Variants in ANO4 observed in about 807,000 individuals in gnomAD.
ANO4 encodes anoctamin-4.
ANO4 carries 69 observed loss-of-function variants against 141.9 expected under a neutral mutation model. The observed-to-expected ratio is 0.49, with a 90% CI of 0.40 to 0.59. ANO4 has a LOEUF of 0.59. Ranked by LOEUF, ANO4 falls within the 20% of genes least tolerant of loss-of-function variation. The pLI is 0.00. For missense variants in ANO4, 894 were observed against 1,162.2 expected, an observed-to-expected ratio of 0.77 and a Z score of 3.36; for synonymous variants, 350 against 394.3, an observed-to-expected ratio of 0.89 and a Z score of 1.33.
At chr12:100,789,667 G>T (rs2033979057) in intron 3 of ANO4, among the ~76,000 whole-genome samples, 1 of 152,156 alleles carries the variant, frequency 6.6e-6, no homozygotes, top group East Asian at 1.9e-4. Context: ...TTCTAATTCA[G>T]TGCTCTTTAC....
intron 5 of ANO4, among the ~76,000 whole-genome samples, chr12:100,970,519 T>G (rs1592876928): frequency 6.6e-6 from 1 of 152,264 alleles, no homozygotes; most frequent in East Asian, 1.9e-4. Context: ...CACATGTCAC[T>G]TCCACAGAGG....
chr12:101,105,544 G>A (rs1165060152), intron 22 of ANO4, among the ~76,000 whole-genome samples: 1 of 152,158 alleles, frequency 6.6e-6, no homozygotes, highest in Non-Finnish European at 1.5e-5. Flanking sequence ...TTGATCTAGA[G>A]CCTCTACATG....
chr12:100,920,582 A>G (rs1390717019), intron 2 of ANO4, among the ~76,000 whole-genome samples: 1 of 152,160 alleles, frequency 6.6e-6, no homozygotes, highest in Non-Finnish European at 1.5e-5. Flanking sequence ...ATTCTGGACC[A>G]GCAGGAAGGC....
chr12:100,816,819 A>G (rs2035765049), intron 1 of ANO4, among the ~76,000 whole-genome samples: 1 of 151,936 alleles, frequency 6.6e-6, no homozygotes, highest in South Asian at 2.1e-4. Context: ...TATTTTTACA[A>G]TACTGTTCAC....
intron 17 of ANO4, among the ~76,000 whole-genome samples, chr12:101,092,959 G>A (rs1045556097): frequency 1.3e-5 from 2 of 152,120 alleles, no homozygotes; most frequent in African/African-American, 4.8e-5. Context: ...ATGTTATAAT[G>A]CCTTCGTAAT....
chr12:100,909,578 T>C (rs940631280), intron 2 of ANO4, among the ~76,000 whole-genome samples: 1 of 152,166 alleles, frequency 6.6e-6, no homozygotes, highest in African/African-American at 2.4e-5. Context: ...AATAAGGTTA[T>C]GGCAGCATAA....
intron 13 of ANO4, 196 bp from the exon 14 acceptor site, chr12:101,048,145 C>T (rs1034348762): frequency 2.9e-6 from 3 of 1,032,714 alleles, no homozygotes; most frequent in Non-Finnish European, 4.0e-6. Context: ...CAAATTGTAT[C>T]CTCTATATAT....
intron 3 of ANO4, among the ~76,000 whole-genome samples, chr12:100,780,099 C>G (rs1437117131): frequency 6.6e-6 from 1 of 152,120 alleles, no homozygotes; most frequent in Non-Finnish European, 1.5e-5. Flanking sequence ...TCATAGCTCA[C>G]TGCAGCCTCG....
intron 26 of ANO4, among the ~76,000 whole-genome samples, chr12:101,123,761 A>C (rs1321940096): frequency 6.6e-6 from 1 of 152,152 alleles, no homozygotes; most frequent in Non-Finnish European, 1.5e-5. Flanking sequence ...GCTATTGTGA[A>C]TAGTGCTGCA....
chr12:100,987,514 T>A, intron 7 of ANO4, 25 bp from the exon 8 acceptor site: 1 of 1,610,438 alleles, frequency 6.2e-7, no homozygotes. Flanking sequence ...CTGTACCCTT[T>A]GGTCTTGCCT....
chr12:100,836,951 G>A (rs1415774632), intron 1 of ANO4, among the ~76,000 whole-genome samples: 1 of 152,098 alleles, frequency 6.6e-6, no homozygotes, highest in Admixed American at 6.5e-5. Context: ...ACTCACAAGG[G>A]AAGCTGGCTT....
intron 5 of ANO4, among the ~76,000 whole-genome samples, chr12:100,952,259 T>G (rs1005761890): frequency 1.3e-5 from 2 of 152,192 alleles, no homozygotes; most frequent in Non-Finnish European, 2.9e-5. Flanking sequence ...ACTTACTAAG[T>G]GAATAACTGT....
Position 101,042,486 on chromosome 12 carries a change from A to T in ANO4, c.1154+18A>T. On this transcript the variant is annotated intron_variant, in intron 12 of 27. Coordinates refer to ENST00000392977, the MANE Select transcript of ANO4 (RefSeq NM_001286615.2). ...CAAGTCAGGTACGGGGAGCTCTTGG[A>T]TGAGTTTGCCTTTGTTTAGTACTTA... 1 of 1,613,848 alleles carries T rather than the reference A, an allele frequency of 6.2e-7. No individual in the cohort carries two copies.
intron 3 of ANO4, among the ~76,000 whole-genome samples, chr12:100,926,499 A>G (rs1309511854): frequency 3.9e-5 from 6 of 152,156 alleles, no homozygotes; most frequent in African/African-American, 1.4e-4. Context: ...AGGAAAAATG[A>G]AAACGTTTTC....
intron 1 of ANO4, among the ~76,000 whole-genome samples, chr12:100,838,324 G>A (rs577879920): frequency 4.6e-5 from 7 of 152,138 alleles, no homozygotes; most frequent in African/African-American, 1.7e-4. Flanking sequence ...GGGGTATGGG[G>A]TGCCACCTTG....
chr12:100,916,014 G>A (rs189605752), intron 2 of ANO4, among the ~76,000 whole-genome samples: 3 of 151,962 alleles, frequency 2.0e-5, no homozygotes, highest in African/African-American at 7.2e-5. Context: ...GTGATTTGGT[G>A]AGTGAGTGGA....
intron 3 of ANO4, among the ~76,000 whole-genome samples, chr12:100,924,209 TG>T (rs1478322218): frequency 6.6e-6 from 1 of 152,166 alleles, no homozygotes; most frequent in East Asian, 1.9e-4. Flanking sequence ...ATGAAGTCCT[TG>T]CCCATGCCTA....
chr12:100,845,914 C>A (rs542586617), intron 1 of ANO4, among the ~76,000 whole-genome samples: 5 of 152,266 alleles, frequency 3.3e-5, no homozygotes, highest in African/African-American at 1.2e-4. Flanking sequence ...GTGAATGACC[C>A]ATGGAAGGAA....
intron 1 of ANO4, among the ~76,000 whole-genome samples, chr12:100,718,735 C>G (rs2030725478): frequency 6.6e-6 from 1 of 152,174 alleles, no homozygotes; most frequent in Non-Finnish European, 1.5e-5. Flanking sequence ...CCCCTTCCCC[C>G]GTGCTCAGAA....
Sources: gnomAD v4.1 joint callset for allele counts (sites outside exome capture counted in the v4.1 genomes callset) on GRCh38, gnomAD v4.1.1 for gene constraint, MANE v1.5 for transcripts, NCBI Gene and HGNC (gene_info 2026-07-23, HGNC 2026-07-21) for gene names.